The following DGKH variants were observed in gnomAD, a reference collection of about 807,000 sequenced individuals.
The protein encoded by DGKH is diacylglycerol kinase eta.
DGKH carries 90 observed loss-of-function variants against 159.3 expected under a neutral mutation model. The observed-to-expected ratio is 0.57, with a 90% confidence interval of 0.48 to 0.67. The LOEUF is 0.67. DGKH is among the 30% of genes least tolerant of loss of function. The pLI, the probability that DGKH is intolerant of heterozygous loss-of-function variation, is 0.00. For missense variants in DGKH, 1,181 were observed against 1,506.1 expected, an observed-to-expected ratio of 0.78 and a Z score of 3.57; for synonymous variants, 536 against 553.8, an observed-to-expected ratio of 0.97 and a Z score of 0.45.
intron 1 of DGKH, among the ~76,000 whole-genome samples, chr13:42,108,245 AC>A (rs1954798238): frequency 6.6e-6 from 1 of 152,242 alleles, no homozygotes; most frequent in Non-Finnish European, 1.5e-5. Context: ...GTCACTGGGC[AC>A]AGGAGCAAAA....
intron 29 of DGKH, among the ~76,000 whole-genome samples, chr13:42,224,448 T>A (rs1958066170): frequency 6.6e-6 from 1 of 152,212 alleles, no homozygotes; most frequent in Non-Finnish European, 1.5e-5. Flanking sequence ...ACTGTCCAGT[T>A]TTGCTTGTAT....
At chr13:42,162,346 A>G (rs755729730) in intron 7 of DGKH, among the ~76,000 whole-genome samples, 16 of 152,142 alleles carry the variant, frequency 1.1e-4, no homozygotes, top group Non-Finnish European at 2.4e-4. Context: ...CCCCATCTGT[A>G]CTAAAAATAC....
At chr13:42,249,314 G>A (rs772560567) in intron 29 of DGKH, among the ~76,000 whole-genome samples, 2 of 152,180 alleles carry the variant, frequency 1.3e-5, no homozygotes, top group Non-Finnish European at 2.9e-5. Flanking sequence ...GACCAATTGA[G>A]CCTGGGAGGA....
At chr13:42,255,829 T>C in intron 30 of DGKH, 1 of 633,832 alleles carries the variant, frequency 1.6e-6, no homozygotes, top group Non-Finnish European at 2.7e-6. Context: ...AAGTAATATA[T>C]AAAAAGGGCA....
chr13:42,250,353 C>T (rs558725131), intron 29 of DGKH, among the ~76,000 whole-genome samples: 2 of 152,198 alleles, frequency 1.3e-5, no homozygotes, highest in Admixed American at 1.3e-4. Context: ...ACTTCAATAC[C>T]TGTATACATT....
At chr13:42,196,466 A>G (rs1206724404) in intron 17 of DGKH, among the ~76,000 whole-genome samples, 1 of 152,256 alleles carries the variant, frequency 6.6e-6, no homozygotes, top group Non-Finnish European at 1.5e-5. Context: ...TCTACCCATT[A>G]AAAAGAATGA....
chr13:42,181,546 G>T lies in DGKH; in HGVS notation c.1538+3326G>T. 3 of 219,214 alleles carry T rather than the reference G, an allele frequency of 1.4e-5. No individual in the cohort carries two copies. The South Asian group carries it at 1.7e-4, about 12-fold the overall frequency. 13.6% of individuals were successfully genotyped at this position (219,214 alleles called of 1,614,324 possible). A position where few individuals can be genotyped will look rare whatever the true frequency, so the allele number is the denominator to read the frequency against. On this transcript the variant is annotated intron_variant, in intron 13 of 29. Transcript: ENST00000337343. ...GAGCTTGACATCACCCTAGTTCTGG[G>T]AACACTCCAGAAACTGTTCTGTCTT...
chr13:42,057,200 TGAAA>T (rs901946158), intron 1 of DGKH, among the ~76,000 whole-genome samples: 2 of 152,192 alleles, frequency 1.3e-5, no homozygotes, highest in Non-Finnish European at 2.9e-5. Flanking sequence ...ATGCCATTTT[TGAAA>T]GGTCATGGTA....
At chr13:42,081,880 A>G (rs961945731) in intron 1 of DGKH, among the ~76,000 whole-genome samples, 2 of 152,178 alleles carry the variant, frequency 1.3e-5, no homozygotes, top group Non-Finnish European at 2.9e-5. Flanking sequence ...ATTGGTATTG[A>G]GGTGTCACTG....
At chr13:42,091,507 A>G (rs896700915) in intron 1 of DGKH, among the ~76,000 whole-genome samples, 1 of 152,242 alleles carries the variant, frequency 6.6e-6, no homozygotes. Flanking sequence ...AAGGACTTGA[A>G]TAGACATTTC....
rs759677142 is a variant in DGKH, at chr13:42,155,297, A to T, written c.391A>T (p.Thr131Ser). Reference sequence around the variant, plus strand: ...ATTGAATTATCCCTTTCAGATCATCACTCCATTCAGAAGGCTAATGCTGTG... The same window carrying T: ...ATTGAATTATCCCTTTCAGATCATCTCTCCATTCAGAAGGCTAATGCTGTG... ...KNANNSFTIITPFRRLMLCAE... is the reference protein window; with the variant it reads ...KNANNSFTIISPFRRLMLCAE... The change falls in exon 4 of 30, where the codon ACT becomes TCT. Residue 131 changes from threonine to serine, a missense_variant. By Grantham distance (58) the Thr-to-Ser change is moderately conservative. This residue lies in a region of DGKH where 369 missense variants were observed against 519.4 expected (regional missense o/e 0.71). Coordinates refer to ENST00000337343, the MANE Select transcript of DGKH (RefSeq NM_178009.5). 1.9e-6 allele frequency: 3 copies of T among 1,592,370 alleles called. No individual in the cohort carries two copies. The highest frequency in any genetic ancestry group is 2.3e-5 in the South Asian group (2 of 85,974).
chr13:42,194,319 G>A (rs1025608337), intron 16 of DGKH, among the ~76,000 whole-genome samples: 2 of 152,078 alleles, frequency 1.3e-5, no homozygotes, highest in Non-Finnish European at 2.9e-5. Context: ...TTTTTATAGA[G>A]GCAGGGTCTC....
At chr13:42,050,699 T>C (rs1331330506) in intron 1 of DGKH, among the ~76,000 whole-genome samples, 1 of 151,150 alleles carries the variant, frequency 6.6e-6, no homozygotes, top group Non-Finnish European at 1.5e-5. Flanking sequence ...AAAAAAAAAA[T>C]TGTATAGGGG....
Position 42,238,204 on chromosome 13 carries a change from G to A in DGKH, c.*9016G>A, listed in dbSNP as rs1053972735. On this transcript the variant is annotated 3_prime_UTR_variant, in exon 30 of 30. Transcript: ENST00000337343. ...CCTAATTTTACAATTTCTTTCCCAC[G>A]GTCATTTTGGATATAAAGATAGACT... 1 of 151,978 alleles carries A rather than the reference G, an allele frequency of 6.6e-6. No individual in the cohort carries two copies. Among genetic ancestry groups the A allele is most frequent in the Admixed American group, 6.6e-5 (1 of 15,252 alleles). 9.4% of individuals were successfully genotyped at this position (151,978 alleles called of 1,614,324 possible).
chr13:42,048,630 A>G, upstream of DGKH: 1 of 1,072,540 alleles, frequency 9.3e-7, no homozygotes, highest in Non-Finnish European at 1.2e-6. This position sits in a 1 kb window ranked among gnomAD's most constrained non-coding sequence, Gnocchi z 6.7. Flanking sequence ...GGCGACCCTT[A>G]CCTCGCGGGG....
chr13:42,152,574 G>C (rs1409054294), intron 3 of DGKH, among the ~76,000 whole-genome samples: 1 of 150,298 alleles, frequency 6.7e-6, no homozygotes, highest in East Asian at 1.9e-4. Context: ...AGCCTTTCTT[G>C]GTGATTCCTC....
At chr13:42,043,879 G>C (rs1880654923), upstream of DGKH, 2 of 152,202 alleles carry the variant, frequency 1.3e-5, no homozygotes, top group African/African-American at 4.8e-5. Flanking sequence ...TGTCACCCAG[G>C]CTGGAGTGCA....
chr13:42,229,747 T>A lies in DGKH; in HGVS notation c.*559T>A, dbSNP rs1958241072. On this transcript the variant is annotated 3_prime_UTR_variant, in exon 30 of 30. Transcript: ENST00000337343. Reference sequence around the variant, plus strand: ...TACTATGAATGAATGCAAATCTTAATGCACGATGTTCCTGCCTGAAATGTC... The same window carrying A: ...TACTATGAATGAATGCAAATCTTAAAGCACGATGTTCCTGCCTGAAATGTC... 1 of 152,472 alleles carries A rather than the reference T, an allele frequency of 6.6e-6. No individual in the cohort carries two copies. 9.4% of individuals were successfully genotyped at this position (152,472 alleles called of 1,614,324 possible). A position where few individuals can be genotyped will look rare whatever the true frequency, so the allele number is the denominator to read the frequency against.
At chr13:42,149,016 C>T (rs1473827252) in intron 3 of DGKH, among the ~76,000 whole-genome samples, 1 of 139,748 alleles carries the variant, frequency 7.2e-6, no homozygotes, top group African/African-American at 2.6e-5. Flanking sequence ...GTGATCATAG[C>T]TCACTGTAGC....
Sources: gnomAD v4.1 joint callset for allele counts (sites outside exome capture counted in the v4.1 genomes callset) on GRCh38, gnomAD v4.1.1 for gene constraint, gnomAD v4.1.1 regional missense constraint, Gnocchi (gnomAD v3.1) non-coding constraint, MANE v1.5 for transcripts, NCBI Gene and HGNC (gene_info 2026-07-23, HGNC 2026-07-21) for gene names.